CRISP1: variants seen among roughly 807,000 people sequenced by gnomAD.
The protein encoded by CRISP1 is cysteine-rich secretory protein 1.
Under a neutral mutation model 33.1 loss-of-function variants are expected in CRISP1, and 44 were observed. The observed-to-expected ratio is 1.33, with a 90% CI of 1.05 to 1.71. The LOEUF (loss-of-function observed/expected upper bound fraction) is 1.71. Among genes scored for constraint, CRISP1 ranks in the 40% most tolerant of loss-of-function variants. The probability of loss-of-function intolerance (pLI) is 0.00; values close to 1 mark genes in which losing one functional copy is unlikely to be tolerated. For missense variants in CRISP1, 390 were observed against 301.2 expected (o/e 1.29, Z -2.18); for synonymous variants, 103 against 98.7 (o/e 1.04, Z -0.26).
chr6:49,860,853 A>G (rs993171693), intron 1 of CRISP1, among the ~76,000 whole-genome samples: 37 of 152,168 alleles, frequency 2.4e-4, no homozygotes, highest in African/African-American at 8.7e-4. Flanking sequence ...CAAGACCAAT[A>G]GGCCGAGTAA....
upstream of CRISP1, among the ~76,000 whole-genome samples, chr6:49,868,185 T>A (rs1771842047): frequency 6.6e-6 from 1 of 152,158 alleles, no homozygotes; most frequent in Non-Finnish European, 1.5e-5. Flanking sequence ...ATTTGGGAAG[T>A]GTTGGAAAGC....
intron 6 of CRISP1, among the ~76,000 whole-genome samples, chr6:49,838,954 G>A (rs942865005): frequency 3.9e-5 from 6 of 152,108 alleles, no homozygotes; most frequent in Non-Finnish European, 7.4e-5. Context: ...CTCAAGTGAG[G>A]CAAGTTAGAG....
chr6:49,857,200 G>C, intron 2 of CRISP1, 135 bp downstream of exon 2: 2 of 727,778 alleles, frequency 2.7e-6, no homozygotes. Flanking sequence ...TTGCCTAACA[G>C]GGCTATTGTG....
At chr6:49,867,469 A>G (rs1771825546), upstream of CRISP1, among the ~76,000 whole-genome samples, 1 of 152,072 alleles carries the variant, frequency 6.6e-6, no homozygotes, top group Non-Finnish European at 1.5e-5. Flanking sequence ...ATCTTGCTTA[A>G]GAAAGGGCAA....
intron 1 of CRISP1, among the ~76,000 whole-genome samples, chr6:49,875,486 TAG>T (rs1304938292): frequency 3.9e-5 from 6 of 152,126 alleles, no homozygotes; most frequent in African/African-American, 1.4e-4. Context: ...AAGTAATTTA[TAG>T]AGTCAATGCT....
chr6:49,846,742 T>G, intron 4 of CRISP1, 74 bp from the exon 5 acceptor site: 3 of 1,412,204 alleles, frequency 2.1e-6, no homozygotes, highest in Non-Finnish European at 1.9e-6. Flanking sequence ...TTCCTCATTT[T>G]TATTTTATGA....
intron 5 of CRISP1, among the ~76,000 whole-genome samples, chr6:49,842,064 C>A (rs1266993186): frequency 5.9e-5 from 9 of 152,168 alleles, no homozygotes; most frequent in Admixed American, 5.9e-4. Context: ...TTGTATGACT[C>A]TTTTAGATAA....
intron 4 of CRISP1, among the ~76,000 whole-genome samples, chr6:49,847,492 T>G (rs915071574): frequency 6.6e-6 from 1 of 152,114 alleles, no homozygotes; most frequent in Non-Finnish European, 1.5e-5. Context: ...TCTCTCACCA[T>G]GTGAGACACT....
At chr6:49,875,479 T>C (rs892834788) in intron 1 of CRISP1, among the ~76,000 whole-genome samples, 1 of 152,132 alleles carries the variant, frequency 6.6e-6, no homozygotes, top group Non-Finnish European at 1.5e-5. Flanking sequence ...CTCCCCAAAG[T>C]AATTTATAGA....
chr6:49,840,933 T>A lies in CRISP1; in HGVS notation c.498A>T (p.Ser166=). Residue 166 remains serine, a synonymous_variant, in exon 6 of 8, where the codon TCA becomes TCT. Coordinates refer to ENST00000335847, the MANE Select transcript of CRISP1 (RefSeq NM_001131.3). ...AGTGACAAACGTAGAGATATCGAGG[T>A]GATCCTTGTTGGCGGCAAGATGCAA... is the stretch of plus-strand genomic sequence containing the variant. ...CAIASCRQQG[S]PRYLYVCHYC... 1.2e-6 allele frequency: 2 copies of A among 1,613,886 alleles called. No individual in the cohort carries two copies. The highest frequency in any genetic ancestry group is 1.7e-6 in the Non-Finnish European group (2 of 1,179,860).
chr6:49,853,639 C>T (rs1308633102), intron 2 of CRISP1, among the ~76,000 whole-genome samples: 11 of 152,188 alleles, frequency 7.2e-5, no homozygotes, highest in Non-Finnish European at 1.5e-4. Flanking sequence ...CAAGTTGCCA[C>T]GATCAGCCAT....
intron 4 of CRISP1, among the ~76,000 whole-genome samples, chr6:49,847,968 A>G (rs1279719851): frequency 6.6e-6 from 1 of 152,060 alleles, no homozygotes; most frequent in Admixed American, 6.6e-5. Flanking sequence ...ATTTCTCCTG[A>G]TGGTCAGAAC....
chr6:49,865,102 T>C (rs568538983), intron 1 of CRISP1, among the ~76,000 whole-genome samples: 16 of 152,208 alleles, frequency 1.1e-4, no homozygotes, highest in Non-Finnish European at 2.4e-4. Context: ...AAACTCACTA[T>C]AATGCTGAAG....
At chr6:49,847,255 AT>A (rs1316922833) in intron 4 of CRISP1, among the ~76,000 whole-genome samples, 1 of 152,172 alleles carries the variant, frequency 6.6e-6, no homozygotes, top group Non-Finnish European at 1.5e-5. Context: ...ATGTTAAAAT[AT>A]AATGTTTATT....
At chr6:49,863,227 C>T (rs1771702295) in intron 1 of CRISP1, among the ~76,000 whole-genome samples, 1 of 152,098 alleles carries the variant, frequency 6.6e-6, no homozygotes, top group African/African-American at 2.4e-5. Context: ...GGGTAAAAGA[C>T]CCTGTAGATC....
At chr6:49,850,053 A>G (rs975981176) in intron 3 of CRISP1, among the ~76,000 whole-genome samples, 2 of 136,292 alleles carry the variant, frequency 1.5e-5, no homozygotes, top group Non-Finnish European at 3.1e-5. Flanking sequence ...AACAATGAGA[A>G]CACATGGACA....
chr6:49,852,404 T>C (rs1771376134), intron 2 of CRISP1, among the ~76,000 whole-genome samples: 1 of 152,178 alleles, frequency 6.6e-6, no homozygotes. Flanking sequence ...TTGGACCATG[T>C]TGAAGCACTT....
At chr6:49,840,386 A>G (rs1770944723) in intron 6 of CRISP1, among the ~76,000 whole-genome samples, 1 of 152,212 alleles carries the variant, frequency 6.6e-6, no homozygotes, top group African/African-American at 2.4e-5. Context: ...TTTAAAGAGA[A>G]GACATGCAAC....
chr6:49,841,972 C>T (rs1271974166), intron 5 of CRISP1, among the ~76,000 whole-genome samples: 1 of 152,174 alleles, frequency 6.6e-6, no homozygotes, highest in Non-Finnish European at 1.5e-5. Flanking sequence ...CCCTCCCTGC[C>T]TTATGTGAGC....
Sources: allele counts gnomAD v4.1 joint callset (sites outside exome capture counted in the v4.1 genomes callset), GRCh38; gene constraint gnomAD v4.1.1; transcripts MANE v1.5; gene names NCBI Gene and HGNC (gene_info 2026-07-23, HGNC 2026-07-21).